The following PUDP variants were observed in gnomAD, a reference collection of about 807,000 sequenced individuals.
PUDP encodes pseudouridine 5'-phosphatase, also known as pseudouridine-5'-phosphatase.
Under a neutral mutation model 9.4 loss-of-function variants are expected in PUDP, and 8 were observed. The ratio of observed to expected loss-of-function variants is 0.85; its 90% CI spans 0.50 to 1.53. The LOEUF is 1.53. Ranked by LOEUF, PUDP falls within the 40% of genes most tolerant of loss-of-function variation. The pLI is 0.00. For synonymous variants in PUDP, 99 were observed against 80.7 expected, an observed-to-expected ratio of 1.23 and a Z score of -1.22; for missense variants, 188 against 189.7, an observed-to-expected ratio of 0.99 and a Z score of 0.05.
chrX:6,951,431 C>A (rs1463308275), intron 3 of PUDP, among the ~76,000 whole-genome samples: 2 of 111,666 alleles, frequency 1.8e-5, no homozygotes, highest in African/African-American at 6.5e-5. Context: ...CTCTAGGGAT[C>A]CTATGGCTCT....
intron 3 of PUDP, among the ~76,000 whole-genome samples, chrX:6,947,545 C>T (rs917890914): frequency 3.3e-4 from 37 of 111,965 alleles, no homozygotes; most frequent in East Asian, 2.8e-4. Context: ...GTAATCCCAA[C>T]GCTTTGAGAG....
At chrX:6,778,653 G>C (rs918224868) in intron 3 of PUDP, among the ~76,000 whole-genome samples, 2 of 112,342 alleles carry the variant, frequency 1.8e-5, no homozygotes, top group Non-Finnish European at 3.8e-5. Context: ...AGCTCTCCAA[G>C]AGGGAGCCCG....
intron 1 of PUDP, among the ~76,000 whole-genome samples, chrX:6,981,997 C>T (rs767985228): frequency 4.2e-5 from 4 of 95,254 alleles, no homozygotes; most frequent in Non-Finnish European, 8.6e-5. Context: ...ACACACACAC[C>T]CCCAAGAGAA....
At chrX:7,117,947 C>T (rs1169525228) in intron 1 of PUDP, among the ~76,000 whole-genome samples, 4 of 113,220 alleles carry the variant, frequency 3.5e-5, no homozygotes, top group African/African-American at 1.3e-4. Context: ...GCTCTGTAGG[C>T]ACACAAGCCA....
At chrX:6,965,115 T>C (rs1928762957) in intron 3 of PUDP, among the ~76,000 whole-genome samples, 1 of 112,087 alleles carries the variant, frequency 8.9e-6, no homozygotes, top group Admixed American at 9.5e-5. Context: ...GAAGTGTCAT[T>C]TGGAAAATGA....
At position 6,802,969 on chromosome X, in the gene PUDP, AATAAAAAT is replaced by A. The variant is rs1925968965; in HGVS notation, c.*248-96511_*248-96504del. On this transcript the variant is annotated intron_variant and NMD_transcript_variant, in intron 3 of 3. Transcript: ENST00000655425. Reference sequence around the variant, plus strand: ...AATAAAATAAAATAAAATAAAATAAAATAAAAATATAAAATAAAATAAAATAAAATAAA... The same window carrying A: ...AATAAAATAAAATAAAATAAAATAAAATAAAATAAAATAAAATAAAATAAA... 6.7e-4 allele frequency among the ~76,000 whole-genome samples: 4 copies of A among 5,941 alleles called. 2 individuals carry two copies. The highest frequency in any genetic ancestry group is 1.8e-3 in the African/African-American group (2 of 1,137). 5.2% of individuals were successfully genotyped at this position (5,941 alleles called of 115,157 possible).
Position 6,934,346 on chromosome X carries a change from G to C in PUDP, c.*247+42787C>G, listed in dbSNP as rs868192175. 7.6e-4 allele frequency among the ~76,000 whole-genome samples: 80 copies of C among 105,499 alleles called. 1 individual carries two copies. Among genetic ancestry groups the C allele is most frequent in the Middle Eastern group, 9.5e-3 (2 of 211 alleles). The allele number at this position is 105,499 out of a possible 115,157, so 91.6% of individuals were successfully genotyped here. A position where few individuals can be genotyped will look rare whatever the true frequency, so the allele number is the denominator to read the frequency against. ...CAATATTCAACATTCTTAAAGAAAA[G>C]AATTTTCAACCCAGAATTTCATATC... On this transcript the variant is annotated intron_variant and NMD_transcript_variant, in intron 3 of 3. Coordinates refer to the PUDP transcript ENST00000655425.
chrX:7,128,745 T>G (rs1390019626), intron 1 of PUDP, among the ~76,000 whole-genome samples: 1 of 111,744 alleles, frequency 8.9e-6, no homozygotes, highest in Non-Finnish European at 1.9e-5. Flanking sequence ...TCTGGGGAAA[T>G]GTGTTCTAAC....
chrX:6,816,452 A>C (rs1485240269), intron 3 of PUDP, among the ~76,000 whole-genome samples: 1 of 103,744 alleles, frequency 9.6e-6, no homozygotes, highest in African/African-American at 3.4e-5. Context: ...TATATACTAT[A>C]TATAGTACCT....
intron 1 of PUDP, among the ~76,000 whole-genome samples, chrX:7,016,621 C>A (rs1929553163): frequency 9.0e-6 from 1 of 111,151 alleles, no homozygotes; most frequent in Admixed American, 9.6e-5. Context: ...TGACCTCCAG[C>A]CCACACGAGG....
At chrX:6,884,134 C>T (rs1041338061) in intron 3 of PUDP, among the ~76,000 whole-genome samples, 1 of 112,319 alleles carries the variant, frequency 8.9e-6, no homozygotes, top group African/African-American at 3.2e-5. Context: ...GCCACCGTGC[C>T]GGGCCTTAAT....
At chrX:7,097,486 A>G (rs756753704) in intron 2 of PUDP, among the ~76,000 whole-genome samples, 1 of 111,692 alleles carries the variant, frequency 9.0e-6, no homozygotes, top group South Asian at 3.8e-4. Context: ...CACTACTCCA[A>G]GAATATCTTG....
chrX:6,737,328 A>G (rs1924884070), intron 3 of PUDP, among the ~76,000 whole-genome samples: 1 of 112,602 alleles, frequency 8.9e-6, no homozygotes, highest in African/African-American at 3.2e-5. Context: ...AAGCAAATAC[A>G]GTTGGCAAGA....
intron 3 of PUDP, among the ~76,000 whole-genome samples, chrX:6,888,303 C>G (rs1363727970): frequency 1.8e-5 from 2 of 109,873 alleles, no homozygotes; most frequent in Non-Finnish European, 3.8e-5. Flanking sequence ...TTAAGTGGCC[C>G]CAGAAAAGGT....
chrX:6,900,547 GGGAGAGAGGGAGAGAA>G (rs1569119727), intron 3 of PUDP, among the ~76,000 whole-genome samples: 3 of 108,864 alleles, frequency 2.8e-5, no homozygotes, highest in Admixed American at 1.0e-4. Flanking sequence ...GAGACGGAGA[GGGAGAGAGGGAGAGAA>G]GGAGAGAGGG....
At chrX:7,027,860 C>CTA (rs772763532) in intron 1 of PUDP, among the ~76,000 whole-genome samples, 1 of 83,881 alleles carries the variant, frequency 1.2e-5, no homozygotes, top group Non-Finnish European at 2.2e-5. Context: ...TATATATAGA[C>CTA]TATATATATA....
chrX:6,790,537 A>G (rs1203045807), intron 3 of PUDP, among the ~76,000 whole-genome samples: 1 of 112,713 alleles, frequency 8.9e-6, no homozygotes, highest in East Asian at 2.8e-4. Flanking sequence ...AATTCAGAGC[A>G]CCTGAGTAAT....
At chrX:6,793,120 T>G (rs1173902483) in intron 3 of PUDP, among the ~76,000 whole-genome samples, 1 of 112,767 alleles carries the variant, frequency 8.9e-6, no homozygotes, top group African/African-American at 3.2e-5. Context: ...TGGTGAGGGC[T>G]GCTCTCTGCT....
At chrX:6,960,727 A>G (rs1438169460) in intron 3 of PUDP, among the ~76,000 whole-genome samples, 1 of 112,085 alleles carries the variant, frequency 8.9e-6, no homozygotes, top group Non-Finnish European at 1.9e-5. Flanking sequence ...CAAAAGCAAA[A>G]ATGAAACATC....
Sources: gnomAD v4.1 joint callset for allele counts (sites outside exome capture counted in the v4.1 genomes callset) on GRCh38, gnomAD v4.1.1 for gene constraint, MANE v1.5 for transcripts, NCBI Gene and HGNC (gene_info 2026-07-23, HGNC 2026-07-21) for gene names.